BIRC6: variants seen among roughly 807,000 people sequenced by gnomAD.
The protein encoded by BIRC6 is dual E2 ubiquitin-conjugating enzyme/E3 ubiquitin-protein ligase BIRC6.
In BIRC6, 98 loss-of-function variants were observed where a neutral mutation model predicts 503.3. That is an observed-to-expected ratio of 0.19 (90% CI 0.17 to 0.23). The LOEUF (loss-of-function observed/expected upper bound fraction) is 0.23, where lower values mean the gene tolerates loss of function less well. Among genes scored for constraint, BIRC6 ranks in the 10% least tolerant of loss-of-function variants. The pLI, the probability that BIRC6 is intolerant of heterozygous loss-of-function variation, is 1.00. For missense variants in BIRC6, 5,360 were observed against 5,806.0 expected, an observed-to-expected ratio of 0.92 and a Z score of 2.50; for synonymous variants, 2,240 against 2,078.7, an observed-to-expected ratio of 1.08 and a Z score of -2.11.
intron 40 of BIRC6, 65 bp downstream of exon 40, chr2:32,485,824 G>A: frequency 1.8e-6 from 2 of 1,104,556 alleles, no homozygotes; most frequent in Non-Finnish European, 2.7e-6. Context: ...ATTTTCAGGT[G>A]GATTCATCAA....
intron 6 of BIRC6, 67 bp from the exon 7 acceptor site, chr2:32,401,096 C>A: frequency 7.4e-7 from 1 of 1,346,590 alleles, no homozygotes; most frequent in Non-Finnish European, 1.0e-6. Context: ...TCCTGGAGTT[C>A]TGTTTTAATG....
intron 58 of BIRC6, 79 bp downstream of exon 58, chr2:32,525,098 T>G (rs922385203): frequency 1.3e-5 from 16 of 1,195,154 alleles, no homozygotes; most frequent in Non-Finnish European, 1.7e-5. Context: ...AGGAAATTTA[T>G]GTAATACATT....
chr2:32,428,747 G>C (rs1012960580), intron 10 of BIRC6, among the ~76,000 whole-genome samples: 2 of 152,056 alleles, frequency 1.3e-5, no homozygotes, highest in Non-Finnish European at 2.9e-5. Context: ...TATTTGTTAA[G>C]TTTTGTTATT....
In BIRC6 at chr2:32,549,431, G is replaced by C; in HGVS notation, c.13094G>C (p.Ser4365Thr). 6.6e-7 allele frequency: 1 copy of C among 1,505,480 alleles called. No homozygotes were observed. The highest frequency in any genetic ancestry group is 1.3e-5 in the South Asian group (1 of 74,108). 93.3% of individuals were successfully genotyped at this position (1,505,480 alleles called of 1,614,324 possible). A position where few individuals can be genotyped will look rare whatever the true frequency, so the allele number is the denominator to read the frequency against. ...ALPSVLLELL[S>T]QSCLIPAMSS... ...CCTTCTGTACTTCTCGAGCTTCTCA[G>C]TCAGTCCTGCCTCATCCCAGCCATG... The change falls in exon 65 of 74, where the codon AGT (serine) becomes ACT (threonine). Residue 4365 changes from serine (S) to threonine (T), a missense_variant. Physicochemically the swap from Ser to Thr is moderately conservative, Grantham distance 58. Transcript: ENST00000421745.
At chr2:32,606,417 G>T (rs983846949) in intron 71 of BIRC6, among the ~76,000 whole-genome samples, 4 of 149,452 alleles carry the variant, frequency 2.7e-5, no homozygotes, top group African/African-American at 9.9e-5. Flanking sequence ...GCAAAACCCC[G>T]TCTCTACTAA....
intron 73 of BIRC6, among the ~76,000 whole-genome samples, chr2:32,614,807 G>C (rs2063129919): frequency 1.3e-5 from 2 of 152,166 alleles, no homozygotes; most frequent in Admixed American, 1.3e-4. Flanking sequence ...TCTCCAGCCT[G>C]GGCAACGAGT....
intron 1 of BIRC6, among the ~76,000 whole-genome samples, chr2:32,370,791 T>A (rs1005123138): frequency 1.3e-5 from 2 of 152,168 alleles, no homozygotes; most frequent in African/African-American, 4.8e-5. Context: ...TTATTGACTT[T>A]GAATGATCTT....
At chr2:32,488,402 A>G (rs1425222590) in intron 41 of BIRC6, among the ~76,000 whole-genome samples, 186 bp from the exon 42 acceptor site, 1 of 152,202 alleles carries the variant, frequency 6.6e-6, no homozygotes, top group Non-Finnish European at 1.5e-5. Context: ...TTTCTTCAAG[A>G]ATTTTAAGAT....
chr2:32,597,898 C>T lies in BIRC6; in HGVS notation c.13760C>T (p.Thr4587Ile), dbSNP rs2061776392. Residue 4587 changes from threonine to isoleucine, a missense_variant, in exon 69 of 74, where the codon ACC becomes ATC. Thr to Ile is a moderately conservative substitution (Grantham distance 89). This residue lies in a region of BIRC6 where 477 missense variants were observed against 574.4 expected (regional missense o/e 0.83). Coordinates refer to ENST00000421745, the MANE Select transcript of BIRC6 (RefSeq NM_016252.4). Reference sequence around the variant, plus strand: ...GCCCAGGAAGCTGTGACGCTTTCAACCTCACTGCCTCTGTCTTCATCCTCT... The same window carrying T: ...GCCCAGGAAGCTGTGACGCTTTCAATCTCACTGCCTCTGTCTTCATCCTCT... ...RLAQEAVTLS[T>I]SLPLSSSSSV... The T allele has an allele frequency of 5.0e-6, 8 of 1,613,838 alleles. No individual in the cohort carries two copies. The highest frequency in any genetic ancestry group is 6.8e-6 in the Non-Finnish European group (8 of 1,179,876).
At chr2:32,469,072 T>C (rs72867278) in intron 29 of BIRC6, among the ~76,000 whole-genome samples, 4,769 of 152,320 alleles carry the variant, frequency 0.031, 164 homozygotes, top group African/African-American at 0.089. Context: ...AAACTTTTCA[T>C]AAATTGCTAA....
chr2:32,420,934 T>C (rs1231369005), intron 10 of BIRC6, among the ~76,000 whole-genome samples: 1 of 104,448 alleles, frequency 9.6e-6, no homozygotes, highest in African/African-American at 3.8e-5. Context: ...ATCTGTTTTA[T>C]TGATTTTTTT....
At chr2:32,440,553 C>T (rs72798794) in intron 16 of BIRC6, among the ~76,000 whole-genome samples, 4,487 of 152,050 alleles carry the variant, frequency 0.03, 101 homozygotes, top group Non-Finnish European at 0.044. Flanking sequence ...TAATACCAGG[C>T]ATTTTACATA....
At chr2:32,370,723 A>T (rs1257491019) in intron 1 of BIRC6, among the ~76,000 whole-genome samples, 1 of 152,124 alleles carries the variant, frequency 6.6e-6, no homozygotes, top group Non-Finnish European at 1.5e-5. Flanking sequence ...GTGGGTACAT[A>T]GTAGGTGTAT....
intron 3 of BIRC6, among the ~76,000 whole-genome samples, chr2:32,381,598 T>C (rs1449671899): frequency 1.4e-5 from 2 of 144,436 alleles, no homozygotes; most frequent in African/African-American, 5.2e-5. Flanking sequence ...TAGGCTGGAG[T>C]GCAGTGGTGT....
intron 67 of BIRC6, 94 bp from the exon 68 acceptor site, chr2:32,594,940 A>G (rs920188786): frequency 5.3e-6 from 4 of 761,800 alleles, no homozygotes; most frequent in Non-Finnish European, 7.9e-6. Context: ...GGAATTCACA[A>G]TTTGAACTCT....
At chr2:32,455,789 C>A (rs560024593) in intron 23 of BIRC6, among the ~76,000 whole-genome samples, 3 of 152,184 alleles carry the variant, frequency 2.0e-5, no homozygotes, top group Non-Finnish European at 4.4e-5. Flanking sequence ...AGCAATGGAA[C>A]GAGTTTCTTG....
chr2:32,386,444 C>CTT (rs1459083369), intron 3 of BIRC6, among the ~76,000 whole-genome samples: 13 of 145,958 alleles, frequency 8.9e-5, no homozygotes, highest in Non-Finnish European at 1.2e-4. Flanking sequence ...GTCTCTCTCT[C>CTT]TTTTTTTTTT....
chr2:32,616,276 G>A (rs1269085978), intron 73 of BIRC6, among the ~76,000 whole-genome samples: 1 of 151,956 alleles, frequency 6.6e-6, no homozygotes, highest in East Asian at 1.9e-4. Context: ...TAGGCTGGGT[G>A]AATCTGGGTA....
At chr2:32,584,838 G>C (rs1369647420) in intron 66 of BIRC6, among the ~76,000 whole-genome samples, 1 of 152,138 alleles carries the variant, frequency 6.6e-6, no homozygotes, top group Non-Finnish European at 1.5e-5. Flanking sequence ...TGCACTCTAG[G>C]TGAGATCCAT....
Sources: allele counts gnomAD v4.1 joint callset (sites outside exome capture counted in the v4.1 genomes callset), GRCh38; gene constraint gnomAD v4.1.1; regional missense constraint gnomAD v4.1.1; transcripts MANE v1.5; gene names NCBI Gene and HGNC (gene_info 2026-07-23, HGNC 2026-07-21).